The following FOXP1 variants were observed in gnomAD, a reference collection of about 807,000 sequenced individuals.
The protein encoded by FOXP1 is forkhead box protein P1.
Under a neutral mutation model 98.2 loss-of-function variants are expected in FOXP1, and 15 were observed. The ratio of observed to expected loss-of-function variants is 0.15; its 90% CI spans 0.10 to 0.24. The LOEUF is 0.24. Ranked by LOEUF, FOXP1 falls within the 10% of genes least tolerant of loss-of-function variation. The probability of loss-of-function intolerance (pLI) is 1.00; values close to 1 mark genes in which losing one functional copy is unlikely to be tolerated. For missense variants in FOXP1, 633 were observed against 848.5 expected, an observed-to-expected ratio of 0.75 and a Z score of 3.15; for synonymous variants, 371 against 314.5, an observed-to-expected ratio of 1.18 and a Z score of -1.90.
chr3:71,334,736 C>G (rs1040014930), intron 4 of FOXP1: 1 of 151,968 alleles, frequency 6.6e-6, no homozygotes, highest in African/African-American at 2.4e-5. Context: ...CAAACTGTTA[C>G]GAAAATTCAA....
chr3:71,344,665 C>T (rs1171608981), intron 4 of FOXP1, among the ~76,000 whole-genome samples: 2 of 151,864 alleles, frequency 1.3e-5, no homozygotes, highest in Non-Finnish European at 2.9e-5. Context: ...GGCGAAACCC[C>T]CTGTGCACTA....
At chr3:71,539,315 G>C (rs1333155196) in intron 2 of FOXP1, among the ~76,000 whole-genome samples, 1 of 145,298 alleles carries the variant, frequency 6.9e-6, no homozygotes, top group Admixed American at 6.8e-5. Context: ...TAGAGATGGG[G>C]TTTCACCGTG....
chr3:71,017,732 C>A (rs1001917886), intron 11 of FOXP1, among the ~76,000 whole-genome samples: 1 of 152,120 alleles, frequency 6.6e-6, no homozygotes, highest in African/African-American at 2.4e-5. Flanking sequence ...AGTTTCTCTT[C>A]ATGTTTGTTA....
intron 17 of FOXP1, among the ~76,000 whole-genome samples, chr3:70,973,249 G>A (rs573482149): frequency 8.5e-5 from 4 of 47,032 alleles, no homozygotes; most frequent in South Asian, 7.0e-4. Flanking sequence ...CCCCCGCCCC[G>A]CCCCGCCCCG....
intron 5 of FOXP1, among the ~76,000 whole-genome samples, chr3:71,225,791 G>C (rs1327301781): frequency 1.3e-5 from 2 of 152,190 alleles, no homozygotes; most frequent in African/African-American, 2.4e-5. Context: ...TTGAACAGTG[G>C]AGACATGAAC....
chr3:71,514,751 G>C (rs922330195), intron 2 of FOXP1, among the ~76,000 whole-genome samples: 1 of 152,184 alleles, frequency 6.6e-6, no homozygotes, highest in African/African-American at 2.4e-5. Flanking sequence ...TCTGTGACCT[G>C]CATGTGGAGC....
intron 3 of FOXP1, among the ~76,000 whole-genome samples, chr3:71,434,654 G>A (rs188468423): frequency 7.9e-5 from 12 of 151,938 alleles, no homozygotes; most frequent in African/African-American, 2.7e-4. Context: ...GTGTGTGTGT[G>A]TGTGTGTGTG....
At chr3:70,964,300 T>C (rs1269477649) in intron 20 of FOXP1, among the ~76,000 whole-genome samples, 3 of 152,256 alleles carry the variant, frequency 2.0e-5, no homozygotes, top group African/African-American at 4.8e-5. Context: ...AATTCAAATT[T>C]GTTAAACAAA....
intron 14 of FOXP1, among the ~76,000 whole-genome samples, chr3:70,986,377 T>G (rs2039737565): frequency 6.6e-6 from 1 of 152,206 alleles, no homozygotes; most frequent in Admixed American, 6.5e-5. Context: ...AGGCCTACAG[T>G]GCTGGGTCCA....
At chr3:71,546,823 C>G (rs2045399744) in intron 2 of FOXP1, among the ~76,000 whole-genome samples, 2 of 152,196 alleles carry the variant, frequency 1.3e-5, no homozygotes, top group Admixed American at 1.3e-4. Context: ...CAAGGACTAC[C>G]CAGAGCCACT....
At position 70,958,883 on chromosome 3, in the gene FOXP1, C is replaced by G. The variant is rs141857832; in HGVS notation, c.*364G>C. 2 of 407,470 alleles carry G rather than the reference C, an allele frequency of 4.9e-6. No individual in the cohort carries two copies. Among genetic ancestry groups the G allele is most frequent in the African/African-American group, 4.0e-5 (2 of 49,802 alleles). 25.2% of individuals were successfully genotyped at this position (407,470 alleles called of 1,614,324 possible). On this transcript the variant is annotated 3_prime_UTR_variant, in exon 21 of 21. Transcript: ENST00000649528. ...GCTTAGGTGCACAAGCTCTGTCGGGCGTCCTCAGTGTCCAACGTTGGCAGG... is the reference window on the plus strand; with the variant it reads ...GCTTAGGTGCACAAGCTCTGTCGGGGGTCCTCAGTGTCCAACGTTGGCAGG...
intron 3 of FOXP1, among the ~76,000 whole-genome samples, chr3:71,473,908 C>T (rs1227429536): frequency 6.6e-6 from 1 of 152,248 alleles, no homozygotes; most frequent in South Asian, 2.1e-4. Flanking sequence ...AATTATGAAG[C>T]CCTACATGGG....
chr3:70,960,814 G>T (rs1361891279), intron 20 of FOXP1, among the ~76,000 whole-genome samples: 1 of 151,972 alleles, frequency 6.6e-6, no homozygotes, highest in Non-Finnish European at 1.5e-5. Flanking sequence ...GCATTTAGGG[G>T]GGCTAGATGT....
At chr3:71,225,466 A>T (rs2065757332) in intron 5 of FOXP1, among the ~76,000 whole-genome samples, 1 of 152,224 alleles carries the variant, frequency 6.6e-6, no homozygotes, top group Non-Finnish European at 1.5e-5. Flanking sequence ...GGAGAAAAAC[A>T]TTTTAACGTG....
intron 5 of FOXP1, among the ~76,000 whole-genome samples, chr3:71,212,043 G>A (rs1409723885): frequency 6.6e-6 from 1 of 152,130 alleles, no homozygotes; most frequent in African/African-American, 2.4e-5. Context: ...TTTCTCAGAG[G>A]CTCTGAGTGG....
chr3:71,115,541 T>TG (rs1207277945), intron 6 of FOXP1, among the ~76,000 whole-genome samples: 1 of 151,686 alleles, frequency 6.6e-6, no homozygotes, highest in African/African-American at 2.4e-5. Context: ...TTCACCATGT[T>TG]GGCCAGGCTG....
intron 7 of FOXP1, among the ~76,000 whole-genome samples, chr3:71,086,947 G>A (rs2055171047): frequency 6.6e-6 from 1 of 152,062 alleles, no homozygotes; most frequent in Non-Finnish European, 1.5e-5. Flanking sequence ...GAAGCACCAG[G>A]CACCCTACCC....
intron 5 of FOXP1, among the ~76,000 whole-genome samples, chr3:71,238,744 G>A (rs1208538309): frequency 1.3e-5 from 2 of 152,176 alleles, no homozygotes; most frequent in Non-Finnish European, 2.9e-5. Flanking sequence ...AATAATCGGG[G>A]CTGAGGTGGC....
At chr3:71,276,528 C>A (rs1287001368) in intron 5 of FOXP1, among the ~76,000 whole-genome samples, 1 of 152,180 alleles carries the variant, frequency 6.6e-6, no homozygotes, top group Non-Finnish European at 1.5e-5. Context: ...GCATCATTAA[C>A]CATTCCCTCA....
Sources: allele counts gnomAD v4.1 joint callset (sites outside exome capture counted in the v4.1 genomes callset), GRCh38; gene constraint gnomAD v4.1.1; transcripts MANE v1.5; gene names NCBI Gene and HGNC (gene_info 2026-07-23, HGNC 2026-07-21).